The following GLIS3 variants were observed in gnomAD, a reference collection of about 807,000 sequenced individuals.
GLIS3 encodes the protein zinc finger protein GLIS3.
In GLIS3, 53 loss-of-function variants were observed where a neutral mutation model predicts 78.6. The observed-to-expected ratio is 0.67, with a 90% CI of 0.54 to 0.85. The LOEUF (loss-of-function observed/expected upper bound fraction) is 0.85, where lower values mean the gene tolerates loss of function less well. Among genes scored for constraint, GLIS3 ranks in the 40% least tolerant of loss-of-function variants. The pLI is 0.00. For synonymous variants in GLIS3, 684 were observed against 509.9 expected (o/e 1.34, Z -4.60); for missense variants, 1,703 against 1,231.1 (o/e 1.38, Z -5.74).
chr9:3,828,730 A>C (rs1817867948), intron 10 of GLIS3, among the ~76,000 whole-genome samples: 1 of 152,370 alleles, frequency 6.6e-6, no homozygotes, highest in South Asian at 2.1e-4. Flanking sequence ...GAATTCTCAC[A>C]GATGAAGAAA....
At chr9:4,036,649 C>G (rs1476421156) in intron 4 of GLIS3, among the ~76,000 whole-genome samples, 3 of 152,162 alleles carry the variant, frequency 2.0e-5, no homozygotes, top group Non-Finnish European at 2.9e-5. Flanking sequence ...TGAGACTCAC[C>G]TACTAAATAG....
chr9:4,294,455 G>C (rs972510898), intron 1 of GLIS3, among the ~76,000 whole-genome samples: 1 of 151,890 alleles, frequency 6.6e-6, no homozygotes, highest in Non-Finnish European at 1.5e-5. Flanking sequence ...GTTGCAGTAA[G>C]CCAAGATCAC....
intron 4 of GLIS3, among the ~76,000 whole-genome samples, chr9:3,983,735 T>C (rs1330562702): frequency 6.6e-6 from 1 of 152,082 alleles, no homozygotes; most frequent in African/African-American, 2.4e-5. Context: ...TTGAGGGAGA[T>C]GATTTAGGGT....
intron 2 of GLIS3, among the ~76,000 whole-genome samples, chr9:4,262,861 A>G (rs1825653195): frequency 6.6e-6 from 1 of 151,580 alleles, no homozygotes; most frequent in African/African-American, 2.4e-5. Flanking sequence ...ATCTAGTGTT[A>G]AAACTATGAA....
chr9:4,278,809 A>G (rs974637371), intron 2 of GLIS3, among the ~76,000 whole-genome samples: 3 of 152,258 alleles, frequency 2.0e-5, no homozygotes, highest in Non-Finnish European at 4.4e-5. Context: ...TGGTAACACC[A>G]CCTTAGCCAG....
intron 4 of GLIS3, among the ~76,000 whole-genome samples, chr9:4,110,823 C>G (rs965611178): frequency 7.9e-5 from 12 of 152,138 alleles, no homozygotes; most frequent in African/African-American, 2.9e-4. Context: ...ATCTCTTTCC[C>G]AAATCATTCT....
At chr9:4,316,360 T>C (rs888683611) in intron 2 of GLIS3, among the ~76,000 whole-genome samples, 2 of 152,250 alleles carry the variant, frequency 1.3e-5, no homozygotes, top group African/African-American at 2.4e-5. Context: ...GGTCCTTAAC[T>C]GGACTGACTT....
chr9:3,923,386 C>T (rs1825019225), intron 6 of GLIS3, among the ~76,000 whole-genome samples: 1 of 152,142 alleles, frequency 6.6e-6, no homozygotes, highest in Non-Finnish European at 1.5e-5. Context: ...CTGTACTCTA[C>T]ACCATGAATG....
At chr9:4,342,785 A>G (rs541007926) in intron 2 of GLIS3, among the ~76,000 whole-genome samples, 1 of 152,262 alleles carries the variant, frequency 6.6e-6, no homozygotes, top group African/African-American at 2.4e-5. Flanking sequence ...GTGTTTTGTA[A>G]TTCTCACTGT....
intron 4 of GLIS3, among the ~76,000 whole-genome samples, chr9:3,943,300 T>A (rs1386377952): frequency 6.6e-6 from 1 of 152,252 alleles, no homozygotes; most frequent in Non-Finnish European, 1.5e-5. Context: ...ATGAATCGAT[T>A]ATGTGGAGTA....
chr9:4,255,605 C>T (rs937038125), intron 2 of GLIS3, among the ~76,000 whole-genome samples: 5 of 152,026 alleles, frequency 3.3e-5, no homozygotes, highest in Admixed American at 1.3e-4. Flanking sequence ...GTGAAAGAAG[C>T]CAGTCTGAGA....
chr9:3,995,451 C>T lies in GLIS3; in HGVS notation c.1711-58262G>A, dbSNP rs538484395. 8.6e-5 allele frequency among the ~76,000 whole-genome samples: 13 copies of T among 151,800 alleles called. 1 individual carries two copies. Among genetic ancestry groups the T allele is most frequent in the Non-Finnish European group, 1.5e-4 (10 of 67,934 alleles). Reference sequence around the variant, plus strand: ...TAAAAACTACTACCGTGAATAATAGCAGAAACAGCCAGTAGAAAACACAGT... The same window carrying T: ...TAAAAACTACTACCGTGAATAATAGTAGAAACAGCCAGTAGAAAACACAGT... On this transcript the variant is annotated intron_variant, in intron 4 of 10. Coordinates refer to ENST00000381971, the MANE Select transcript of GLIS3 (RefSeq NM_001042413.2).
At chr9:4,291,957 T>C (rs73384142) in intron 1 of GLIS3, among the ~76,000 whole-genome samples, 1 of 152,202 alleles carries the variant, frequency 6.6e-6, no homozygotes, top group African/African-American at 2.4e-5. Flanking sequence ...CAGAAAGGTC[T>C]AGAGAGCCAT....
chr9:4,205,727 A>G (rs1468126013), intron 2 of GLIS3, among the ~76,000 whole-genome samples: 2 of 152,228 alleles, frequency 1.3e-5, no homozygotes, highest in Admixed American at 6.5e-5. Flanking sequence ...ACATGAGACA[A>G]GAATTCTCCA....
chr9:3,886,078 T>C (rs1588151951), intron 7 of GLIS3, among the ~76,000 whole-genome samples: 1 of 152,214 alleles, frequency 6.6e-6, no homozygotes, highest in African/African-American at 2.4e-5. Context: ...TGGCTACTTA[T>C]ATTATTGTAA....
chr9:3,969,525 T>A (rs933021188), intron 4 of GLIS3, among the ~76,000 whole-genome samples: 8 of 152,214 alleles, frequency 5.3e-5, no homozygotes, highest in African/African-American at 1.7e-4. Flanking sequence ...GTAATCAAGA[T>A]CAATTTCATG....
the GLIS3 span, among the ~76,000 whole-genome samples, chr9:4,435,523 C>G: frequency 2.6e-5 from 4 of 152,210 alleles, no homozygotes; most frequent in Non-Finnish European, 5.9e-5. Context: ...CATCATTTTA[C>G]AAAGGTCCTT....
At chr9:4,239,413 C>T (rs1041702407) in intron 2 of GLIS3, among the ~76,000 whole-genome samples, 2 of 151,386 alleles carry the variant, frequency 1.3e-5, no homozygotes. Context: ...TGTTAGACTA[C>T]TGTATTCGTA....
the GLIS3 span, among the ~76,000 whole-genome samples, chr9:4,434,917 C>G: frequency 6.6e-6 from 1 of 152,136 alleles, no homozygotes; most frequent in African/African-American, 2.4e-5. Flanking sequence ...TGATCCGGGC[C>G]ACCAATAAAT....
Sources: allele counts gnomAD v4.1 joint callset (sites outside exome capture counted in the v4.1 genomes callset), GRCh38; gene constraint gnomAD v4.1.1; transcripts MANE v1.5; gene names NCBI Gene and HGNC (gene_info 2026-07-23, HGNC 2026-07-21).